The following TNFSF4 variants were observed in gnomAD, a reference collection of about 807,000 sequenced individuals.
TNFSF4 encodes the protein TNF superfamily member 4, also known as tumor necrosis factor ligand superfamily member 4.
Under a neutral mutation model 7.3 loss-of-function variants are expected in TNFSF4, and 4 were observed. The observed-to-expected ratio is 0.55, with a 90% CI of 0.27 to 1.25. The LOEUF (loss-of-function observed/expected upper bound fraction) is 1.25. Among genes scored for constraint, TNFSF4 ranks in the 50% most tolerant of loss-of-function variants. TNFSF4 has a pLI of 0.12. For missense variants in TNFSF4, 181 were observed against 208.8 expected, an observed-to-expected ratio of 0.87 and a Z score of 0.82; for synonymous variants, 76 against 83.7, an observed-to-expected ratio of 0.91 and a Z score of 0.50.
At chr1:173,355,655 T>G in the TNFSF4 span, among the ~76,000 whole-genome samples, 1 of 152,198 alleles carries the variant, frequency 6.6e-6, no homozygotes, top group East Asian at 1.9e-4. Flanking sequence ...GTATGAAAAG[T>G]GCAGAACGCC....
chr1:173,244,641 C>CA, the TNFSF4 span, among the ~76,000 whole-genome samples: 7,636 of 61,278 alleles, frequency 0.12, 646 homozygotes, highest in African/African-American at 0.34. Context: ...GACTCTGTCT[C>CA]AAAAAAAAAC....
the TNFSF4 span, among the ~76,000 whole-genome samples, chr1:173,316,749 A>G: frequency 6.6e-6 from 1 of 152,108 alleles, no homozygotes; most frequent in Non-Finnish European, 1.5e-5. Context: ...CTTAAAATTG[A>G]CATGTAATCA....
the TNFSF4 span, among the ~76,000 whole-genome samples, chr1:173,337,847 C>A: frequency 1.3e-5 from 2 of 152,150 alleles, no homozygotes; most frequent in African/African-American, 4.8e-5. Context: ...GTAGACCTCT[C>A]TGAATGGGCC....
chr1:173,311,577 G>T, the TNFSF4 span, among the ~76,000 whole-genome samples: 1 of 152,054 alleles, frequency 6.6e-6, no homozygotes, highest in Admixed American at 6.6e-5. Flanking sequence ...GGTCTCACTG[G>T]TGGAACTGGG....
At chr1:173,175,941 G>GT in the TNFSF4 span, among the ~76,000 whole-genome samples, 1 of 151,894 alleles carries the variant, frequency 6.6e-6, no homozygotes, top group Non-Finnish European at 1.5e-5. Flanking sequence ...ATGGTTTTTT[G>GT]TTTTTTTGTG....
chr1:173,230,323 A>G, the TNFSF4 span, among the ~76,000 whole-genome samples: 3 of 152,388 alleles, frequency 2.0e-5, 1 homozygote, highest in African/African-American at 4.8e-5. Context: ...CTGCTCCTGA[A>G]TGACTACTGG....
chr1:173,381,984 G>A, the TNFSF4 span, among the ~76,000 whole-genome samples: 2 of 152,094 alleles, frequency 1.3e-5, no homozygotes, highest in African/African-American at 4.8e-5. Context: ...CAGGACGTGG[G>A]CAGGGTGAAA....
chr1:173,241,342 AC>A, the TNFSF4 span, among the ~76,000 whole-genome samples: 1 of 152,090 alleles, frequency 6.6e-6, no homozygotes, highest in African/African-American at 2.4e-5. Flanking sequence ...AAATCCTGTG[AC>A]CCCCCTGATC....
At chr1:173,288,832 A>C in the TNFSF4 span, among the ~76,000 whole-genome samples, 1 of 151,934 alleles carries the variant, frequency 6.6e-6, no homozygotes. Context: ...CTGCCACTTG[A>C]CATGATGGAA....
the TNFSF4 span, among the ~76,000 whole-genome samples, chr1:173,398,662 G>C: frequency 6.6e-6 from 1 of 151,842 alleles, no homozygotes; most frequent in East Asian, 1.9e-4. Flanking sequence ...TCCTGACCTC[G>C]TGATCCACCC....
At chr1:173,254,693 G>A in the TNFSF4 span, among the ~76,000 whole-genome samples, 1 of 152,176 alleles carries the variant, frequency 6.6e-6, no homozygotes, top group African/African-American at 2.4e-5. Context: ...CAAGGGTGAT[G>A]GGGGTAAACC....
At chr1:173,272,798 C>T in the TNFSF4 span, among the ~76,000 whole-genome samples, 1 of 152,136 alleles carries the variant, frequency 6.6e-6, no homozygotes, top group Non-Finnish European at 1.5e-5. Flanking sequence ...TTGCTTTGAT[C>T]GGGCTTTGTC....
the TNFSF4 span, among the ~76,000 whole-genome samples, chr1:173,381,404 G>T: frequency 6.6e-6 from 1 of 152,200 alleles, no homozygotes; most frequent in Non-Finnish European, 1.5e-5. Context: ...CCAACCTGTG[G>T]AGTTGGGCAA....
chr1:173,204,918 C>CACAA (rs1553213480), intron 1 of TNFSF4, among the ~76,000 whole-genome samples: 2,473 of 138,352 alleles, frequency 0.018, 61 homozygotes, highest in African/African-American at 0.074. Context: ...CACACACACA[C>CACAA]ACACAAACAC....
the TNFSF4 span, among the ~76,000 whole-genome samples, chr1:173,426,845 C>G: frequency 6.6e-6 from 1 of 152,138 alleles, no homozygotes; most frequent in Admixed American, 6.5e-5. Context: ...CCTCCTGCAT[C>G]AGCCTCCCAA....
At chr1:173,201,346 A>T (rs1649933779) in intron 1 of TNFSF4, among the ~76,000 whole-genome samples, 1 of 152,226 alleles carries the variant, frequency 6.6e-6, no homozygotes. Flanking sequence ...TAAAAATTAC[A>T]TTGGGGAAAT....
At chr1:173,371,685 G>A in the TNFSF4 span, among the ~76,000 whole-genome samples, 1 of 152,206 alleles carries the variant, frequency 6.6e-6, no homozygotes, top group South Asian at 2.1e-4. Flanking sequence ...ACTAGTGCAA[G>A]ATCTTAGACT....
chr1:173,211,282 G>C (rs1000369077), upstream of TNFSF4, among the ~76,000 whole-genome samples: 1 of 152,170 alleles, frequency 6.6e-6, no homozygotes, highest in African/African-American at 2.4e-5. Context: ...GTCAAAATCT[G>C]ATTTGTAATC....
At chr1:173,442,960 C>T in the TNFSF4 span, among the ~76,000 whole-genome samples, 2 of 152,168 alleles carry the variant, frequency 1.3e-5, no homozygotes, top group Admixed American at 6.5e-5. Context: ...GCTGGGATTA[C>T]AGATGTTAGC....
Sources: gnomAD v4.1 joint callset for allele counts (sites outside exome capture counted in the v4.1 genomes callset) on GRCh38, gnomAD v4.1.1 for gene constraint, MANE v1.5 for transcripts, NCBI Gene and HGNC (gene_info 2026-07-23, HGNC 2026-07-21) for gene names.